Variants in MEOX2 observed in about 807,000 individuals in gnomAD.
MEOX2 encodes homeobox protein MOX-2.
MEOX2 carries 11 observed loss-of-function variants against 27.0 expected under a neutral mutation model. The observed-to-expected ratio is 0.41, with a 90% CI of 0.26 to 0.68. The LOEUF is 0.68. MEOX2 is among the 30% of genes least tolerant of loss of function. The probability of loss-of-function intolerance (pLI) is 0.33; values close to 1 mark genes in which losing one functional copy is unlikely to be tolerated. For synonymous variants in MEOX2, 189 were observed against 155.4 expected (o/e 1.22, Z -1.61); for missense variants, 436 against 385.4 (o/e 1.13, Z -1.10).
intron 1 of MEOX2, among the ~76,000 whole-genome samples, chr7:15,658,074 A>G (rs1156311720): frequency 3.9e-5 from 6 of 152,226 alleles, no homozygotes; most frequent in African/African-American, 7.2e-5. Flanking sequence ...CTTTTTACTA[A>G]TACCACGGAG....
At chr7:15,674,842 T>A (rs1782166846) in intron 1 of MEOX2, among the ~76,000 whole-genome samples, 1 of 152,086 alleles carries the variant, frequency 6.6e-6, no homozygotes, top group African/African-American at 2.4e-5. Flanking sequence ...AAGGAAAGCA[T>A]GCCTGGTTAG....
At chr7:15,643,212 G>A (rs956474615) in intron 1 of MEOX2, among the ~76,000 whole-genome samples, 5 of 152,174 alleles carry the variant, frequency 3.3e-5, no homozygotes, top group African/African-American at 1.2e-4. Flanking sequence ...TGTTGGCAGT[G>A]GGATTTTTGC....
intron 1 of MEOX2, among the ~76,000 whole-genome samples, chr7:15,631,906 A>ATGTGTGTGTGTGTGTGTG (rs146116757): frequency 0.078 from 10,081 of 129,296 alleles, 552 homozygotes; most frequent in African/African-American, 0.14. Context: ...CCAAGGTTAA[A>ATGTGTGTGTGTGTGTGTG]TGTGTGTGTG....
At chr7:15,672,030 T>C (rs1285195936) in intron 1 of MEOX2, among the ~76,000 whole-genome samples, 3 of 151,750 alleles carry the variant, frequency 2.0e-5, no homozygotes, top group African/African-American at 7.3e-5. Flanking sequence ...GAGGCGGGGG[T>C]TGCAATGAGC....
chr7:15,684,574 T>C (rs1009384647), intron 1 of MEOX2, among the ~76,000 whole-genome samples: 1 of 152,190 alleles, frequency 6.6e-6, no homozygotes, highest in African/African-American at 2.4e-5. Context: ...ACAATTGATA[T>C]TGCTGTGAAT....
chr7:15,668,009 C>T (rs1328344893), intron 1 of MEOX2: 1 of 152,148 alleles, frequency 6.6e-6, no homozygotes, highest in East Asian at 1.9e-4. Flanking sequence ...ATTTAAATTT[C>T]TTATTGGTTT....
chr7:15,653,312 G>A (rs1562606536), intron 1 of MEOX2, among the ~76,000 whole-genome samples: 3 of 151,628 alleles, frequency 2.0e-5, no homozygotes, highest in Non-Finnish European at 2.9e-5. Flanking sequence ...TCTATCCTTG[G>A]CCCACTTTCG....
At chr7:15,670,450 T>C (rs2115390192) in intron 1 of MEOX2, among the ~76,000 whole-genome samples, 1 of 152,306 alleles carries the variant, frequency 6.6e-6, no homozygotes, top group South Asian at 2.1e-4. Context: ...CCATCCTTGA[T>C]GCCTCCTTCA....
chr7:15,660,572 G>A (rs1450360927), intron 1 of MEOX2, among the ~76,000 whole-genome samples: 1 of 151,948 alleles, frequency 6.6e-6, no homozygotes, highest in East Asian at 1.9e-4. Flanking sequence ...TCCCGCCTCC[G>A]ACTTGTGACA....
intron 1 of MEOX2, among the ~76,000 whole-genome samples, chr7:15,652,716 G>A (rs147833852): frequency 1.3e-5 from 2 of 151,854 alleles, no homozygotes; most frequent in Non-Finnish European, 2.9e-5. Flanking sequence ...TATTTATATG[G>A]AATAATACAT....
At chr7:15,658,934 A>T (rs994171344) in intron 1 of MEOX2, among the ~76,000 whole-genome samples, 4 of 152,212 alleles carry the variant, frequency 2.6e-5, no homozygotes, top group African/African-American at 9.7e-5. Context: ...GACACTAGCT[A>T]TTCTGCCTCA....
At chr7:15,613,404 C>T (rs926639531) in intron 2 of MEOX2, among the ~76,000 whole-genome samples, 1 of 137,850 alleles carries the variant, frequency 7.3e-6, no homozygotes, top group Non-Finnish European at 1.6e-5. Context: ...ACAAAAAAAA[C>T]AGCAAACAGA....
At chr7:15,648,950 C>T (rs1781691648) in intron 1 of MEOX2, among the ~76,000 whole-genome samples, 1 of 151,980 alleles carries the variant, frequency 6.6e-6, no homozygotes, top group Non-Finnish European at 1.5e-5. Flanking sequence ...TTAATAATAG[C>T]TGATTTACAT....
chr7:15,627,826 C>CACACACAT (rs1562597858), intron 1 of MEOX2, among the ~76,000 whole-genome samples: 14 of 151,550 alleles, frequency 9.2e-5, no homozygotes, highest in African/African-American at 3.4e-4. Context: ...CACACACACA[C>CACACACAT]GTCAAGTAAA....
intron 2 of MEOX2, among the ~76,000 whole-genome samples, chr7:15,618,341 A>T (rs1781156115): frequency 6.6e-6 from 1 of 152,096 alleles, no homozygotes; most frequent in East Asian, 1.9e-4. Flanking sequence ...ATCAAAACTA[A>T]ATTAGGCACT....
At chr7:15,655,011 T>C (rs1436755077) in intron 1 of MEOX2, among the ~76,000 whole-genome samples, 1 of 151,710 alleles carries the variant, frequency 6.6e-6, no homozygotes, top group Non-Finnish European at 1.5e-5. Flanking sequence ...CATATGGGCC[T>C]GTATATATTT....
chr7:15,612,665 C>T (rs1781051396), intron 2 of MEOX2, 54 bp from the exon 3 acceptor site: 4 of 1,504,090 alleles, frequency 2.7e-6, no homozygotes, highest in South Asian at 1.1e-5. Flanking sequence ...ATTAAAGTGA[C>T]ATTTTTTTCT....
chr7:15,652,747 C>G (rs1455876809), intron 1 of MEOX2, among the ~76,000 whole-genome samples: 1 of 151,860 alleles, frequency 6.6e-6, no homozygotes. Flanking sequence ...TGGGGAATGA[C>G]TTTTTTCACT....
intron 1 of MEOX2, among the ~76,000 whole-genome samples, chr7:15,662,563 T>C (rs1781934150): frequency 6.6e-6 from 1 of 152,026 alleles, no homozygotes; most frequent in African/African-American, 2.4e-5. Context: ...TATTTTGTAG[T>C]TGCCAGGCAA....
Sources: gnomAD v4.1 joint callset for allele counts (sites outside exome capture counted in the v4.1 genomes callset) on GRCh38, gnomAD v4.1.1 for gene constraint, MANE v1.5 for transcripts, NCBI Gene and HGNC (gene_info 2026-07-23, HGNC 2026-07-21) for gene names.